The following TGFBR1 variants were observed in gnomAD, a reference collection of about 807,000 sequenced individuals.
TGFBR1 encodes transforming growth factor beta receptor 1, also known as TGF-beta receptor type-1.
In TGFBR1, 20 loss-of-function variants were observed where a neutral mutation model predicts 55.1. The observed-to-expected ratio is 0.36, with a 90% CI of 0.26 to 0.53. The LOEUF (loss-of-function observed/expected upper bound fraction) is 0.53, where lower values mean the gene tolerates loss of function less well. TGFBR1 is among the 20% of genes least tolerant of loss of function. TGFBR1 has a pLI of 0.91. For missense variants in TGFBR1, 385 were observed against 617.6 expected (o/e 0.62, Z 3.99); for synonymous variants, 220 against 214.8 (o/e 1.02, Z -0.21).
chr9:99,109,144 T>A (rs1321891913), intron 1 of TGFBR1, among the ~76,000 whole-genome samples: 1 of 152,108 alleles, frequency 6.6e-6, no homozygotes, highest in Admixed American at 6.5e-5. Context: ...GGCCTTGAAC[T>A]TCACAGAATT....
chr9:99,110,995 T>C (rs904037082), intron 1 of TGFBR1, among the ~76,000 whole-genome samples: 29 of 152,224 alleles, frequency 1.9e-4, no homozygotes, highest in African/African-American at 6.3e-4. Context: ...TTTCCCTTTT[T>C]TGCAAACCAT....
At chr9:99,130,378 A>T (rs1827184788) in intron 2 of TGFBR1, among the ~76,000 whole-genome samples, 2 of 152,208 alleles carry the variant, frequency 1.3e-5, no homozygotes, top group African/African-American at 4.8e-5. Context: ...TAAAGGAGGA[A>T]GCACTGCTGT....
intron 1 of TGFBR1, among the ~76,000 whole-genome samples, chr9:99,109,650 G>A (rs910017271): frequency 3.3e-5 from 5 of 152,176 alleles, no homozygotes; most frequent in Admixed American, 6.5e-5. Flanking sequence ...AAACCACAGA[G>A]CCCCTTGCAA....
At chr9:99,147,220 A>G (rs1827821462) in intron 7 of TGFBR1, among the ~76,000 whole-genome samples, 1 of 152,196 alleles carries the variant, frequency 6.6e-6, no homozygotes, top group African/African-American at 2.4e-5. Flanking sequence ...AGGATATATT[A>G]TTGACAGATG....
At chr9:99,129,667 A>C (rs1049736081) in intron 2 of TGFBR1, among the ~76,000 whole-genome samples, 2 of 152,160 alleles carry the variant, frequency 1.3e-5, no homozygotes, top group Non-Finnish European at 2.9e-5. Flanking sequence ...GGAAGGCCTG[A>C]GGTGGGCAGA....
rs1182903640 is a variant in TGFBR1, at chr9:99,122,564, A to G, written c.98-6291A>G. ...TTACCCCGATACTATAATACCATGA[A>G]TAATAACCCCAAGGGTCCTGTTGTC... On this transcript the variant is annotated intron_variant, in intron 1 of 8. Coordinates refer to ENST00000374994, the MANE Select transcript of TGFBR1 (RefSeq NM_004612.4). Among the ~76,000 whole-genome samples the G allele has an allele frequency of 2.0e-5, 3 of 152,108 alleles. No homozygotes were observed. The South Asian group carries it at 6.2e-4, about 32-fold the overall frequency.
At chr9:99,113,781 A>ACTGAAAGG (rs1428527161) in intron 1 of TGFBR1, among the ~76,000 whole-genome samples, 2 of 152,208 alleles carry the variant, frequency 1.3e-5, no homozygotes, top group African/African-American at 2.4e-5. Flanking sequence ...TAATTGGTAG[A>ACTGAAAGG]CTGAAAGGCA....
intron 1 of TGFBR1, among the ~76,000 whole-genome samples, chr9:99,109,228 A>AT (rs900623437): frequency 6.6e-6 from 1 of 151,676 alleles, no homozygotes; most frequent in Non-Finnish European, 1.5e-5. Flanking sequence ...GAAAAGGTCA[A>AT]TTTTTTTTTA....
intron 3 of TGFBR1, among the ~76,000 whole-genome samples, chr9:99,137,158 A>G (rs891929314): frequency 6.6e-6 from 1 of 152,164 alleles, no homozygotes. Flanking sequence ...TCAAGATACT[A>G]GTGTTGTCTA....
At chr9:99,128,034 C>T (rs753583811) in intron 1 of TGFBR1, 1 of 455,886 alleles carries the variant, frequency 2.2e-6, no homozygotes, top group South Asian at 1.5e-5. Flanking sequence ...GAGCACTTAA[C>T]TTCATCAGAG....
At chr9:99,127,843 C>A in intron 1 of TGFBR1, 2 of 431,406 alleles carry the variant, frequency 4.6e-6, no homozygotes, top group Non-Finnish European at 9.4e-6. Context: ...TGAAATTATG[C>A]ACACATTCTA....
chr9:99,137,761 A>T, intron 3 of TGFBR1, 98 bp from the exon 4 acceptor site: 1 of 905,634 alleles, frequency 1.1e-6, no homozygotes, highest in South Asian at 1.4e-5. Context: ...GGATAGCTTA[A>T]AGTATCAGTT....
intron 6 of TGFBR1, 123 bp downstream of exon 6, chr9:99,145,011 T>A: frequency 9.0e-7 from 1 of 1,110,740 alleles, no homozygotes; most frequent in Non-Finnish European, 1.3e-6. Flanking sequence ...TGCCAACAGG[T>A]AAGAAGATCT....
At position 99,142,646 on chromosome 9, in the gene TGFBR1, G is replaced by T. The variant is rs768667498; in HGVS notation, c.916G>T (p.Ala306Ser). The change falls in exon 5 of 9, where the codon GCT (alanine) becomes TCT (serine). Residue 306 changes from alanine to serine, a missense_variant. Ala to Ser is a moderately conservative substitution (Grantham distance 99, BLOSUM62 1). Around this residue, in one of 5 missense-constraint regions of TGFBR1, gnomAD observed 85 missense variants for 228.4 expected, o/e 0.37. Coordinates refer to ENST00000374994, the MANE Select transcript of TGFBR1 (RefSeq NM_004612.4). ...TACTGTGGAAGGAATGATAAAACTTGCTCTGTCCACGGCGAGCGGTCTTGC... is the reference window on the plus strand; with the variant it reads ...TACTGTGGAAGGAATGATAAAACTTTCTCTGTCCACGGCGAGCGGTCTTGC... ...TVTVEGMIKL[A>S]LSTASGLAHL... 3.1e-6 allele frequency: 5 copies of T among 1,614,074 alleles called. No homozygotes were observed. The South Asian group carries it at 5.5e-5, about 18-fold the overall frequency.
chr9:99,106,536 T>C (rs1826419865), intron 1 of TGFBR1, among the ~76,000 whole-genome samples: 1 of 152,256 alleles, frequency 6.6e-6, no homozygotes, highest in Admixed American at 6.5e-5. Flanking sequence ...TACACTATTG[T>C]ATAATTACAT....
intron 5 of TGFBR1, 113 bp from the exon 6 acceptor site, chr9:99,144,618 TG>T: frequency 8.4e-7 from 1 of 1,189,136 alleles, no homozygotes. Context: ...GTAGGTCATG[TG>T]GGCTGAAATG....
At chr9:99,129,910 T>C (rs1827168297) in intron 2 of TGFBR1, among the ~76,000 whole-genome samples, 1 of 151,868 alleles carries the variant, frequency 6.6e-6, no homozygotes, top group Non-Finnish European at 1.5e-5. Context: ...AAAAAAAAGA[T>C]AATAAATAAA....
chr9:99,147,540 C>A, intron 7 of TGFBR1, 114 bp from the exon 8 acceptor site: 2 of 1,002,462 alleles, frequency 2.0e-6, no homozygotes, highest in Non-Finnish European at 3.0e-6. Flanking sequence ...ATCTCTGTTC[C>A]ACATACCTAC....
At chr9:99,129,878 G>A (rs187548267) in intron 2 of TGFBR1, among the ~76,000 whole-genome samples, 166 of 152,108 alleles carry the variant, frequency 1.1e-3, no homozygotes, top group African/African-American at 3.9e-3. Flanking sequence ...CAGCCTGGGT[G>A]ACAGAGTGAG....
Sources: allele counts gnomAD v4.1 joint callset (sites outside exome capture counted in the v4.1 genomes callset), GRCh38; gene constraint gnomAD v4.1.1; regional missense constraint gnomAD v4.1.1; transcripts MANE v1.5; gene names NCBI Gene and HGNC (gene_info 2026-07-23, HGNC 2026-07-21).